The following MYO1D variants were observed in gnomAD, a reference collection of about 807,000 sequenced individuals.
MYO1D encodes unconventional myosin-Id.
A neutral mutation model predicts 122.0 loss-of-function variants in MYO1D; 83 were observed. The observed-to-expected ratio is 0.68, with a 90% confidence interval of 0.57 to 0.82. The LOEUF is 0.82. Among genes scored for constraint, MYO1D ranks in the 40% least tolerant of loss-of-function variants. MYO1D has a pLI of 0.00. For missense variants in MYO1D, 1,157 were observed against 1,269.5 expected (o/e 0.91, Z 1.35); for synonymous variants, 464 against 446.9 (o/e 1.04, Z -0.48).
chr17:32,786,263 TA>T (rs199949074), intron 1 of MYO1D, among the ~76,000 whole-genome samples: 2 of 151,494 alleles, frequency 1.3e-5, no homozygotes, highest in Non-Finnish European at 2.9e-5. Flanking sequence ...TTCCTTTTTT[TA>T]AAAAAAAACA....
chr17:32,625,437 C>T (rs767705925), intron 20 of MYO1D, among the ~76,000 whole-genome samples: 7 of 152,306 alleles, frequency 4.6e-5, no homozygotes, highest in African/African-American at 2.4e-5. Context: ...TAAAATGAGA[C>T]TTCCTGCCTG....
intron 21 of MYO1D, among the ~76,000 whole-genome samples, chr17:32,508,277 G>A (rs542194978): frequency 1.3e-5 from 2 of 150,738 alleles, no homozygotes; most frequent in South Asian, 4.2e-4. Context: ...CCCAGTCTAT[G>A]GTATCTTTTT....
chr17:32,605,257 G>C lies in MYO1D; in HGVS notation c.2710-16C>G, dbSNP rs1363040090. 1.3e-6 allele frequency: 2 copies of C among 1,537,948 alleles called. No individual in the cohort carries two copies. Among genetic ancestry groups the C allele is most frequent in the Admixed American group, 1.8e-5 (1 of 56,232 alleles). On this transcript the variant is annotated splice_polypyrimidine_tract_variant and intron_variant, in intron 20 of 21. Transcript: ENST00000318217. ...GACCAGTCAACTGCAAAGAGAAAAT[G>C]CATGGAAAACTATTTGGATCATTCT...
chr17:32,514,328 A>G (rs993166164), intron 21 of MYO1D, among the ~76,000 whole-genome samples: 5 of 151,494 alleles, frequency 3.3e-5, no homozygotes, highest in South Asian at 2.1e-4. Flanking sequence ...CCTGGGCTCA[A>G]GCCATCCTTC....
At chr17:32,824,402 T>C (rs1297481714) in intron 1 of MYO1D, among the ~76,000 whole-genome samples, 2 of 152,208 alleles carry the variant, frequency 1.3e-5, no homozygotes, top group Non-Finnish European at 2.9e-5. Flanking sequence ...TAAAGAGATA[T>C]TTGTCCTTTC....
chr17:32,768,604 T>C (rs2090084069), intron 6 of MYO1D, among the ~76,000 whole-genome samples: 1 of 152,162 alleles, frequency 6.6e-6, no homozygotes, highest in Admixed American at 6.5e-5. Flanking sequence ...GCCTGGTGAG[T>C]ACAAGTTCCT....
intron 19 of MYO1D, among the ~76,000 whole-genome samples, chr17:32,650,118 T>C (rs940952053): frequency 3.3e-5 from 5 of 152,228 alleles, no homozygotes; most frequent in Non-Finnish European, 5.9e-5. Flanking sequence ...TCCTTTAACA[T>C]TTCCTATAGT....
At chr17:32,613,686 A>G (rs944279560) in intron 20 of MYO1D, among the ~76,000 whole-genome samples, 4 of 150,364 alleles carry the variant, frequency 2.7e-5, no homozygotes, top group South Asian at 2.1e-4. Context: ...AGGCAGGAGA[A>G]TCGCATGAAC....
intron 11 of MYO1D, among the ~76,000 whole-genome samples, chr17:32,750,603 A>C (rs2089889189): frequency 6.6e-6 from 1 of 152,160 alleles, no homozygotes; most frequent in South Asian, 2.1e-4. Flanking sequence ...CGACAAGAGC[A>C]AGACTCTGTC....
At chr17:32,740,537 G>A (rs1343475053) in intron 13 of MYO1D, among the ~76,000 whole-genome samples, 2 of 152,138 alleles carry the variant, frequency 1.3e-5, no homozygotes, top group African/African-American at 4.8e-5. Flanking sequence ...GGAGTGCAGT[G>A]GTGAGATGAT....
At chr17:32,778,368 A>G in intron 3 of MYO1D, 112 bp downstream of exon 3, 1 of 831,558 alleles carries the variant, frequency 1.2e-6, no homozygotes, top group Non-Finnish European at 1.9e-6. Context: ...AAAAATGCTC[A>G]GCCCATAGGT....
chr17:32,574,001 C>T (rs1025513377), intron 21 of MYO1D, among the ~76,000 whole-genome samples: 6 of 152,074 alleles, frequency 3.9e-5, no homozygotes, highest in Admixed American at 6.5e-5. Flanking sequence ...TACAGGCGCC[C>T]GCCACCTCGC....
intron 16 of MYO1D, among the ~76,000 whole-genome samples, chr17:32,678,415 C>T (rs1230744239): frequency 7.0e-6 from 1 of 142,460 alleles, no homozygotes; most frequent in Non-Finnish European, 1.5e-5. Context: ...CCCCTCCCCC[C>T]ACTCCACCAC....
chr17:32,777,673 C>T (rs1299451497), intron 3 of MYO1D, among the ~76,000 whole-genome samples: 3 of 152,072 alleles, frequency 2.0e-5, no homozygotes, highest in Non-Finnish European at 2.9e-5. Context: ...CGGCCGGGCG[C>T]GGTGGCACAT....
At chr17:32,555,360 G>C (rs759343256) in intron 21 of MYO1D, among the ~76,000 whole-genome samples, 6 of 152,020 alleles carry the variant, frequency 3.9e-5, no homozygotes, top group Admixed American at 1.3e-4. Flanking sequence ...AGAATGTACA[G>C]AAGAATCTCA....
intron 1 of MYO1D, among the ~76,000 whole-genome samples, chr17:32,799,481 A>T (rs2090443610): frequency 6.6e-6 from 1 of 152,220 alleles, no homozygotes; most frequent in South Asian, 2.1e-4. Context: ...GGATATTCAT[A>T]TATGGAAGAA....
intron 1 of MYO1D, among the ~76,000 whole-genome samples, chr17:32,807,673 A>C (rs1285655617): frequency 6.6e-6 from 1 of 152,174 alleles, no homozygotes; most frequent in East Asian, 1.9e-4. Context: ...TGGTGTGCAC[A>C]TGCTTTGGTG....
chr17:32,874,622 GAATTA>G (rs1024263911), intron 1 of MYO1D, among the ~76,000 whole-genome samples: 1 of 152,112 alleles, frequency 6.6e-6, no homozygotes, highest in Admixed American at 6.5e-5. Flanking sequence ...GCACACAGTA[GAATTA>G]AATTGCAGCA....
chr17:32,662,634 T>C (rs1464714392), intron 16 of MYO1D, among the ~76,000 whole-genome samples: 1 of 152,030 alleles, frequency 6.6e-6, no homozygotes, highest in Non-Finnish European at 1.5e-5. Flanking sequence ...GATCGCACCA[T>C]TGCATTGCAG....
Sources: allele counts gnomAD v4.1 joint callset (sites outside exome capture counted in the v4.1 genomes callset), GRCh38; gene constraint gnomAD v4.1.1; transcripts MANE v1.5; gene names NCBI Gene and HGNC (gene_info 2026-07-23, HGNC 2026-07-21).